The following ZNF253 variants were observed in gnomAD, a reference collection of about 807,000 sequenced individuals.
ZNF253 encodes zinc finger protein 253.
A neutral mutation model predicts 11.9 loss-of-function variants in ZNF253; 8 were observed. The ratio of observed to expected loss-of-function variants is 0.67; its 90% CI spans 0.40 to 1.22. The LOEUF (loss-of-function observed/expected upper bound fraction) is 1.22, where lower values mean the gene tolerates loss of function less well. Among genes scored for constraint, ZNF253 ranks in the 50% most tolerant of loss-of-function variants. ZNF253 has a pLI of 0.01. For missense variants in ZNF253, 485 were observed against 586.9 expected (o/e 0.83, Z 1.79); for synonymous variants, 194 against 194.9 (o/e 1.00, Z 0.04).
intron 1 of ZNF253, among the ~76,000 whole-genome samples, chr19:19,876,422 C>T (rs977114727): frequency 6.6e-6 from 1 of 152,132 alleles, no homozygotes; most frequent in African/African-American, 2.4e-5. Flanking sequence ...CACATATTTC[C>T]ATTACTGTAG....
rs1191850089 is a variant in ZNF253, at chr19:19,865,988, A to G, written c.-9A>G. 3.7e-6 allele frequency: 6 copies of G among 1,614,054 alleles called. No homozygotes were observed. The African/African-American group carries it at 8.0e-5, about 22-fold the overall frequency. On this transcript the variant is annotated 5_prime_UTR_variant, in exon 1 of 4. Coordinates refer to ENST00000589717, the MANE Select transcript of ZNF253 (RefSeq NM_021047.3). ...ACAGCTAAACCCCGGGACCCCTGGA[A>G]GCCTAGAAATGGTGAGTGCCGGGTC... is the stretch of plus-strand genomic sequence containing the variant.
At chr19:19,888,310 C>T (rs1432928530) in intron 3 of ZNF253, among the ~76,000 whole-genome samples, 3 of 152,126 alleles carry the variant, frequency 2.0e-5, no homozygotes, top group Admixed American at 6.6e-5. Context: ...GTGATTCACC[C>T]GCCTTGGTCT....
At chr19:19,878,836 G>T in intron 2 of ZNF253, 1 of 405,870 alleles carries the variant, frequency 2.5e-6, no homozygotes, top group Non-Finnish European at 4.3e-6. Flanking sequence ...AACTAAAAGT[G>T]TATAATTACA....
intron 3 of ZNF253, among the ~76,000 whole-genome samples, chr19:19,886,135 G>GCT (rs2063205603): frequency 6.6e-6 from 1 of 152,248 alleles, no homozygotes; most frequent in East Asian, 1.9e-4. Flanking sequence ...TAGGATTACA[G>GCT]ACATGCACTA....
At chr19:19,891,175 G>A (rs963184221) in intron 3 of ZNF253, among the ~76,000 whole-genome samples, 17 of 152,100 alleles carry the variant, frequency 1.1e-4, no homozygotes, top group African/African-American at 3.6e-4. Flanking sequence ...GTTATACTGG[G>A]CAGCAGGAAG....
At chr19:19,875,086 G>A (rs578246553) in intron 1 of ZNF253, among the ~76,000 whole-genome samples, 2 of 152,274 alleles carry the variant, frequency 1.3e-5, no homozygotes, top group South Asian at 4.1e-4. Context: ...ATTTAGGTCT[G>A]CCTCTATCCT....
At chr19:19,882,986 GATAA>G (rs2063184320) in intron 3 of ZNF253, among the ~76,000 whole-genome samples, 1 of 148,922 alleles carries the variant, frequency 6.7e-6, no homozygotes, top group Non-Finnish European at 1.5e-5. Context: ...AAAAAAAAAA[GATAA>G]ATTATGCATG....
In ZNF253 at chr19:19,878,561, A is replaced by G. The variant is rs754689149; in HGVS notation, c.84A>G (p.Leu28=). The change falls in exon 2 of 4, where the codon TTA becomes TTG. Residue 28 remains leucine, a synonymous_variant. Coordinates refer to ENST00000589717, the MANE Select transcript of ZNF253 (RefSeq NM_021047.3). ...GCCTGGACACTGCACAGCGGAATTT[A>G]TATAGGGATGTGATGTTAGAGAACT... ...WHCLDTAQRN[L]YRDVMLENYR... 5 of 1,613,886 alleles carry G rather than the reference A, an allele frequency of 3.1e-6. No homozygotes were observed. In the African/African-American group the frequency reaches 5.3e-5, roughly 17 times the overall value.
intron 3 of ZNF253, among the ~76,000 whole-genome samples, chr19:19,888,549 A>C (rs2122136561): frequency 6.6e-6 from 1 of 152,234 alleles, no homozygotes; most frequent in South Asian, 2.1e-4. Context: ...TAAAAGATCC[A>C]ACAATATACT....
At chr19:19,873,733 A>G (rs1352588285) in intron 1 of ZNF253, among the ~76,000 whole-genome samples, 3 of 152,120 alleles carry the variant, frequency 2.0e-5, no homozygotes, top group Admixed American at 6.5e-5. Flanking sequence ...CCTACAATCC[A>G]GAAACTTTTA....
chr19:19,882,893 C>T (rs2063183821), intron 3 of ZNF253, among the ~76,000 whole-genome samples: 1 of 151,840 alleles, frequency 6.6e-6, no homozygotes. Flanking sequence ...ATTGCTTGAA[C>T]CTGGGAAGCA....
rs1481769170 is a variant in ZNF253 at position 19,882,369 on chromosome 19, G to T, written c.226+2223G>T. 2.0e-5 allele frequency among the ~76,000 whole-genome samples: 3 copies of T among 152,148 alleles called. No individual in the cohort carries two copies. In the East Asian group the frequency reaches 5.8e-4, roughly 29 times the overall value. On this transcript the variant is annotated intron_variant, in intron 3 of 3. Transcript: ENST00000589717. Reference sequence around the variant, plus strand: ...ATGAGATATTCTGTGAATTTTTAGTGAAGAGGGGTTGTAGCTTGGTCACAA... The same window carrying T: ...ATGAGATATTCTGTGAATTTTTAGTTAAGAGGGGTTGTAGCTTGGTCACAA...
intron 3 of ZNF253, among the ~76,000 whole-genome samples, chr19:19,890,955 C>T (rs959850827): frequency 7.2e-4 from 108 of 150,492 alleles, no homozygotes; most frequent in African/African-American, 2.5e-3. Context: ...AATTCTCTGC[C>T]GCAGCCCTCC....
intron 1 of ZNF253, 139 bp from the exon 2 acceptor site, chr19:19,878,342 T>A: frequency 6.9e-7 from 1 of 1,441,822 alleles, no homozygotes; most frequent in Non-Finnish European, 9.4e-7. Flanking sequence ...ATTTTTGGGT[T>A]GAAAAATATT....
At chr19:19,887,760 T>A (rs1336008305) in intron 3 of ZNF253, among the ~76,000 whole-genome samples, 1 of 147,488 alleles carries the variant, frequency 6.8e-6, no homozygotes, top group Non-Finnish European at 1.5e-5. Context: ...AGTTGGATCT[T>A]GATTTTTAAT....
chr19:19,879,738 G>A (rs753256694), intron 2 of ZNF253, among the ~76,000 whole-genome samples: 16 of 152,110 alleles, frequency 1.1e-4, no homozygotes, highest in African/African-American at 3.9e-4. Context: ...TAAAATAACA[G>A]CATAAAGTAA....
In ZNF253 at chr19:19,893,010, T is replaced by C. The variant is rs12462916; in HGVS notation, c.*263T>C. On this transcript the variant is annotated 3_prime_UTR_variant, in exon 4 of 4. Coordinates refer to ENST00000589717, the MANE Select transcript of ZNF253 (RefSeq NM_021047.3). Reference sequence around the variant, plus strand: ...CTTTTTTTTTGAGATGGAGTTTCACTCTTGTCACCGAGGCTGGAGTGCAAT... The same window carrying C: ...CTTTTTTTTTGAGATGGAGTTTCACCCTTGTCACCGAGGCTGGAGTGCAAT... 0.037 allele frequency: 14,416 copies of C among 391,970 alleles called. 642 individuals are homozygous for C. Among genetic ancestry groups the C allele is most frequent in the East Asian group, 0.16 (3,496 of 21,870 alleles). The allele number at this position is 391,970 out of a possible 1,614,324, so 24.3% of individuals were successfully genotyped here.
At position 19,880,051 on chromosome 19, in the gene ZNF253, G is replaced by T. The variant is rs777357351; in HGVS notation, c.131G>T (p.Gly44Val). The change falls in exon 3 of 4, where the codon GGT becomes GTT. Residue 44 changes from glycine to valine, a missense_variant and splice_region_variant. Gly to Val is a moderately radical substitution (Grantham distance 109, BLOSUM62 -3). This residue lies in a region of ZNF253 where 35 missense variants were observed against 52.4 expected (regional missense o/e 0.67). Coordinates refer to ENST00000589717, the MANE Select transcript of ZNF253 (RefSeq NM_021047.3). ...ATGTTATTTATTTTTAATAAAACAGGTATTGTTGTCTCTAAGCCAGACCTG... is the reference window on the plus strand; with the variant it reads ...ATGTTATTTATTTTTAATAAAACAGTTATTGTTGTCTCTAAGCCAGACCTG... ...LENYRNLVFL[G>V]IVVSKPDLVT... is the part of the protein sequence containing the mutation. 1 of 1,602,238 alleles carries T rather than the reference G, an allele frequency of 6.2e-7. No individual in the cohort carries two copies.
At chr19:19,883,576 A>G (rs2063186719) in intron 3 of ZNF253, among the ~76,000 whole-genome samples, 1 of 151,740 alleles carries the variant, frequency 6.6e-6, no homozygotes, top group Admixed American at 6.5e-5. Flanking sequence ...CCCTGTCTCA[A>G]AAAAAAGTTG....
Sources: gnomAD v4.1 joint callset for allele counts (sites outside exome capture counted in the v4.1 genomes callset) on GRCh38, gnomAD v4.1.1 for gene constraint, gnomAD v4.1.1 regional missense constraint, MANE v1.5 for transcripts, NCBI Gene and HGNC (gene_info 2026-07-23, HGNC 2026-07-21) for gene names.